The following ZNF544 variants were observed in gnomAD, a reference collection of about 807,000 sequenced individuals.
The protein encoded by ZNF544 is zinc finger protein AF020591.
ZNF544 carries 10 observed loss-of-function variants against 13.5 expected under a neutral mutation model. That is an observed-to-expected ratio of 0.74 (90% confidence interval 0.46 to 1.25). The LOEUF (loss-of-function observed/expected upper bound fraction) is 1.25, where lower values mean the gene tolerates loss of function less well. Ranked by LOEUF, ZNF544 falls within the 50% of genes most tolerant of loss-of-function variation. The pLI is 0.00. For missense variants in ZNF544, 896 were observed against 845.6 expected (o/e 1.06, Z -0.74); for synonymous variants, 323 against 300.5 (o/e 1.07, Z -0.77).
intron 4 of ZNF544, among the ~76,000 whole-genome samples, chr19:58,245,242 CT>C (rs138927419): frequency 0.076 from 11,420 of 151,204 alleles, 901 homozygotes; most frequent in African/African-American, 0.19. Flanking sequence ...GCCCGACCCC[CT>C]GTCACCTTCT....
intron 6 of ZNF544, chr19:58,257,735 C>G (rs930511173): frequency 6.6e-6 from 1 of 152,270 alleles, no homozygotes; most frequent in African/African-American, 2.4e-5. Flanking sequence ...CTGGCAACCA[C>G]TGATCTTTAT....
chr19:58,247,885 T>A (rs902696594), intron 6 of ZNF544, among the ~76,000 whole-genome samples: 1 of 152,024 alleles, frequency 6.6e-6, no homozygotes, highest in African/African-American at 2.4e-5. Flanking sequence ...GTATTGTACA[T>A]CTGTTACAAT....
chr19:58,266,883 C>G (rs904441682), downstream of ZNF544: 2 of 152,232 alleles, frequency 1.3e-5, no homozygotes, highest in Non-Finnish European at 2.9e-5. Context: ...AGCTGGTTCT[C>G]GCCCTCTTCA....
At chr19:58,269,498 C>A (rs1393459848) in intron 5 of ZNF544, among the ~76,000 whole-genome samples, 1 of 149,104 alleles carries the variant, frequency 6.7e-6, no homozygotes, top group Non-Finnish European at 1.5e-5. Context: ...GTAATCCCAG[C>A]TACTTGGGAG....
At chr19:58,276,183 CAAAT>C (rs57710137) in intron 5 of ZNF544, 14,613 of 411,122 alleles carry the variant, frequency 0.036, 344 homozygotes, top group Non-Finnish European at 0.05. Context: ...TCTCAAAAAA[CAAAT>C]AAACAACAAA....
intron 6 of ZNF544, chr19:58,259,150 C>A (rs2048345627): frequency 6.6e-6 from 1 of 152,234 alleles, no homozygotes. Context: ...TCTGAAGTGG[C>A]AAACGGTGGA....
At chr19:58,275,760 G>A (rs780448229) in intron 5 of ZNF544, among the ~76,000 whole-genome samples, 1 of 126,684 alleles carries the variant, frequency 7.9e-6, no homozygotes, top group Non-Finnish European at 1.6e-5. Context: ...TCTCCAGAGT[G>A]GGCAACAGGT....
chr19:58,256,621 T>G (rs1467288705), intron 6 of ZNF544, among the ~76,000 whole-genome samples: 2 of 152,224 alleles, frequency 1.3e-5, no homozygotes, highest in African/African-American at 4.8e-5. Flanking sequence ...ATAGGGTCTA[T>G]GCCGGACACA....
chr19:58,241,148 T>TATAA (rs2043570167), intron 3 of ZNF544, among the ~76,000 whole-genome samples: 1 of 120,128 alleles, frequency 8.3e-6, no homozygotes, highest in African/African-American at 3.2e-5. Context: ...ATTTAAAATA[T>TATAA]ATATATATAT....
At chr19:58,239,188 C>T (rs1333935018) in intron 3 of ZNF544, among the ~76,000 whole-genome samples, 1 of 152,186 alleles carries the variant, frequency 6.6e-6, no homozygotes, top group Non-Finnish European at 1.5e-5. Flanking sequence ...AAGGTTCTTC[C>T]TCCCTGTAAA....
chr19:58,249,573 T>C (rs1322215744), intron 6 of ZNF544, among the ~76,000 whole-genome samples: 1 of 152,198 alleles, frequency 6.6e-6, no homozygotes. Context: ...CAACTTAGCA[T>C]TTTTGACCAG....
At chr19:58,275,803 G>A (rs7249546) in intron 5 of ZNF544, among the ~76,000 whole-genome samples, 40,310 of 102,670 alleles carry the variant, frequency 0.39, 6,889 homozygotes, top group East Asian at 0.52. Flanking sequence ...AAAAAAAAAA[G>A]GAAAGAGGAA....
chr19:58,240,935 C>T (rs2146822109), intron 3 of ZNF544, among the ~76,000 whole-genome samples: 1 of 149,862 alleles, frequency 6.7e-6, no homozygotes, highest in East Asian at 2.0e-4. Flanking sequence ...TCTTTTTCTC[C>T]TTCTGTTTCT....
chr19:58,251,265 A>AGTTGGTAG (rs751744988), intron 6 of ZNF544: 1 of 517,348 alleles, frequency 1.9e-6, no homozygotes, highest in Admixed American at 1.9e-5. Flanking sequence ...CACCAAGGAA[A>AGTTGGTAG]GTTGGTAGGC....
Position 58,262,588 on chromosome 19 carries a change from A to G in ZNF544, c.1982A>G (p.Glu661Gly), listed in dbSNP as rs770513050. 6.2e-7 allele frequency: 1 copy of G among 1,614,188 alleles called. No individual in the cohort carries two copies. Among genetic ancestry groups the G allele is most frequent in the Admixed American group, 1.7e-5 (1 of 60,020 alleles). ...ACTCACACTGGTGAGAAACCTTTTG[A>G]GTGTAGTCAGTGTGGGAAAGCCTTT... ...QRTHTGEKPFECSQCGKAFSG... is the reference protein window; with the variant it reads ...QRTHTGEKPFGCSQCGKAFSG... The change falls in exon 7 of 7, where the codon GAG becomes GGG. Residue 661 changes from glutamate to glycine, a missense_variant. Transcript: ENST00000687789.
chr19:58,233,065 G>A lies in ZNF544; in HGVS notation c.-60+2603G>A, dbSNP rs181677006. On this transcript the variant is annotated intron_variant, in intron 3 of 6. Transcript: ENST00000687789. ...AGGTCTCACAATCATGGCGGAAGGC[G>A]AAGGAGAAGCAAAGTCACACCTTGC... Among the ~76,000 whole-genome samples the A allele has an allele frequency of 7.0e-3, 1,065 of 152,140 alleles. 11 individuals are homozygous for A. Among genetic ancestry groups the A allele is most frequent in the African/African-American group, 0.023 (959 of 41,510 alleles).
At chr19:58,241,739 C>T (rs989583447) in intron 3 of ZNF544, among the ~76,000 whole-genome samples, 6 of 152,054 alleles carry the variant, frequency 3.9e-5, no homozygotes, top group Admixed American at 1.3e-4. Flanking sequence ...CCTCGTGATC[C>T]GCCCGCCTCG....
intron 6 of ZNF544, among the ~76,000 whole-genome samples, chr19:58,248,024 C>G (rs1431166916): frequency 6.6e-6 from 1 of 151,980 alleles, no homozygotes. Context: ...AGTGATTTTC[C>G]TGCCTCAACC....
intron 6 of ZNF544, chr19:58,251,255 C>T: frequency 1.9e-6 from 1 of 515,380 alleles, no homozygotes; most frequent in South Asian, 1.4e-5. Flanking sequence ...GCAACAAAGA[C>T]ACCAAGGAAA....
Sources: gnomAD v4.1 joint callset for allele counts (sites outside exome capture counted in the v4.1 genomes callset) on GRCh38, gnomAD v4.1.1 for gene constraint, MANE v1.5 for transcripts, NCBI Gene and HGNC (gene_info 2026-07-23, HGNC 2026-07-21) for gene names.